The following PDZRN4 variants were observed in gnomAD, a reference collection of about 807,000 sequenced individuals.
The protein encoded by PDZRN4 is PDZ domain-containing RING finger protein 4.
A neutral mutation model predicts 99.0 loss-of-function variants in PDZRN4; 70 were observed. The ratio of observed to expected loss-of-function variants is 0.71; its 90% confidence interval spans 0.58 to 0.86. PDZRN4 has a LOEUF of 0.86. Among genes scored for constraint, PDZRN4 ranks in the 40% least tolerant of loss-of-function variants. PDZRN4 has a pLI of 0.00. For synonymous variants in PDZRN4, 551 were observed against 501.6 expected (o/e 1.10, Z -1.32); for missense variants, 1,474 against 1,331.2 (o/e 1.11, Z -1.67).
intron 3 of PDZRN4, among the ~76,000 whole-genome samples, chr12:41,361,832 A>C (rs1428692607): frequency 6.6e-6 from 1 of 152,006 alleles, no homozygotes; most frequent in Non-Finnish European, 1.5e-5. Flanking sequence ...TTACTGTGGA[A>C]AGAGGATGAA....
At chr12:41,384,947 CAGATA>C in intron 3 of PDZRN4, among the ~76,000 whole-genome samples, 1 of 152,312 alleles carries the variant, frequency 6.6e-6, no homozygotes, top group East Asian at 1.9e-4. Flanking sequence ...CTACTGCTTA[CAGATA>C]AGATACACCT....
At chr12:41,476,782 C>T (rs1402426706) in intron 3 of PDZRN4, among the ~76,000 whole-genome samples, 1 of 152,222 alleles carries the variant, frequency 6.6e-6, no homozygotes, top group Non-Finnish European at 1.5e-5. Flanking sequence ...CCATGCCTGC[C>T]TGGCGGCCTC....
At chr12:41,404,297 T>G (rs1565573966) in intron 3 of PDZRN4, among the ~76,000 whole-genome samples, 1 of 151,522 alleles carries the variant, frequency 6.6e-6, no homozygotes, top group Non-Finnish European at 1.5e-5. Flanking sequence ...TATGAGAGAG[T>G]GTGAAAGAAA....
At chr12:41,312,266 G>GA (rs200590034) in intron 3 of PDZRN4, among the ~76,000 whole-genome samples, 4,440 of 143,566 alleles carry the variant, frequency 0.031, 104 homozygotes, top group East Asian at 0.14. Flanking sequence ...TTATGGGGAA[G>GA]AAAAAAAAAA....
chr12:41,210,261 G>A (rs1950879443), intron 3 of PDZRN4, among the ~76,000 whole-genome samples: 1 of 152,012 alleles, frequency 6.6e-6, no homozygotes, highest in Non-Finnish European at 1.5e-5. Flanking sequence ...TTTGTCAGAT[G>A]AGTAGGTTGC....
chr12:41,567,753 AAT>A (rs1439617549), intron 8 of PDZRN4, 28 bp from the exon 9 acceptor site: 1 of 1,409,158 alleles, frequency 7.1e-7, no homozygotes, highest in Non-Finnish European at 9.9e-7. Context: ...TCACTAACAT[AAT>A]ATAATGTACT....
intron 3 of PDZRN4, among the ~76,000 whole-genome samples, chr12:41,279,194 T>C (rs1378307461): frequency 1.3e-5 from 2 of 152,220 alleles, no homozygotes; most frequent in Non-Finnish European, 2.9e-5. Context: ...AACAAATCAG[T>C]CATTCTTGAC....
At chr12:41,566,342 AT>A (rs1391254161) in intron 8 of PDZRN4, among the ~76,000 whole-genome samples, 4 of 152,138 alleles carry the variant, frequency 2.6e-5, no homozygotes, top group African/African-American at 4.8e-5. Flanking sequence ...AGCACTCCCC[AT>A]TTTAAGTAAT....
At chr12:41,479,415 G>A (rs904694514) in intron 3 of PDZRN4, among the ~76,000 whole-genome samples, 2 of 152,084 alleles carry the variant, frequency 1.3e-5, no homozygotes, top group African/African-American at 4.8e-5. Flanking sequence ...ATTCTTCTAT[G>A]GCTGAGAGAA....
At chr12:41,531,036 C>T (rs1429210352) in intron 5 of PDZRN4, among the ~76,000 whole-genome samples, 1 of 152,076 alleles carries the variant, frequency 6.6e-6, no homozygotes, top group Non-Finnish European at 1.5e-5. Flanking sequence ...GCATGTGTTA[C>T]AGGGTGCTCT....
intron 5 of PDZRN4, among the ~76,000 whole-genome samples, chr12:41,552,265 G>A (rs956446665): frequency 2.0e-5 from 3 of 152,108 alleles, no homozygotes; most frequent in Non-Finnish European, 2.9e-5. Context: ...ATAAAAACAT[G>A]TAATAGTAAC....
At chr12:41,390,069 AATC>A (rs1400364648) in intron 3 of PDZRN4, among the ~76,000 whole-genome samples, 1 of 152,164 alleles carries the variant, frequency 6.6e-6, no homozygotes, top group African/African-American at 2.4e-5. Context: ...AAGGGTGGTA[AATC>A]TTGGGTAGGT....
At chr12:41,442,281 T>C (rs915407690) in intron 3 of PDZRN4, among the ~76,000 whole-genome samples, 1 of 152,166 alleles carries the variant, frequency 6.6e-6, no homozygotes, top group Non-Finnish European at 1.5e-5. Context: ...ATACACCTTG[T>C]AATCATCTCT....
At chr12:41,315,080 T>A (rs1951629884) in intron 3 of PDZRN4, among the ~76,000 whole-genome samples, 1 of 152,152 alleles carries the variant, frequency 6.6e-6, no homozygotes, top group Non-Finnish European at 1.5e-5. Context: ...AATTCATCTG[T>A]CTGCATTTCT....
intron 3 of PDZRN4, among the ~76,000 whole-genome samples, chr12:41,489,200 T>C (rs2120622472): frequency 6.6e-6 from 1 of 152,244 alleles, no homozygotes; most frequent in Admixed American, 6.5e-5. Flanking sequence ...GTTGGACACC[T>C]CTGCTAGTCT....
intron 3 of PDZRN4, among the ~76,000 whole-genome samples, chr12:41,234,816 G>A (rs1951054689): frequency 1.3e-5 from 2 of 152,126 alleles, no homozygotes; most frequent in South Asian, 2.1e-4. Flanking sequence ...TTAACCCTAC[G>A]ACAGATGGAG....
intron 3 of PDZRN4, among the ~76,000 whole-genome samples, chr12:41,228,739 C>A (rs982613777): frequency 1.1e-4 from 17 of 152,030 alleles, no homozygotes. Flanking sequence ...AGATTGACAG[C>A]TTCCTTTAAG....
chr12:41,555,819 C>T, intron 7 of PDZRN4, 59 bp downstream of exon 7: 1 of 1,338,652 alleles, frequency 7.5e-7, no homozygotes, highest in Non-Finnish European at 1.1e-6. Context: ...TACTATTTTA[C>T]TTTGTTTCTT....
At chr12:41,526,078 A>G (rs1306527277) in intron 5 of PDZRN4, among the ~76,000 whole-genome samples, 2 of 152,150 alleles carry the variant, frequency 1.3e-5, no homozygotes, top group Non-Finnish European at 2.9e-5. Flanking sequence ...GTACTTGGCC[A>G]TTGCATGTTC....
Sources: allele counts gnomAD v4.1 joint callset (sites outside exome capture counted in the v4.1 genomes callset), GRCh38; gene constraint gnomAD v4.1.1; transcripts MANE v1.5; gene names NCBI Gene and HGNC (gene_info 2026-07-23, HGNC 2026-07-21).